PTGER3: variants seen among roughly 807,000 people sequenced by gnomAD.
PTGER3 encodes prostaglandin E receptor 3, also known as prostaglandin E2 receptor EP3 subtype.
In PTGER3, 22 loss-of-function variants were observed where a neutral mutation model predicts 34.7. The ratio of observed to expected loss-of-function variants is 0.63; its 90% CI spans 0.45 to 0.91. PTGER3 has a LOEUF of 0.91. PTGER3 is among the 40% of genes least tolerant of loss of function. PTGER3 has a pLI of 0.00. For missense variants in PTGER3, 468 were observed against 519.4 expected, an observed-to-expected ratio of 0.90 and a Z score of 0.96; for synonymous variants, 241 against 230.1, an observed-to-expected ratio of 1.05 and a Z score of -0.43.
chr1:70,896,987 T>C (rs1646734195), intron 4 of PTGER3, among the ~76,000 whole-genome samples: 1 of 152,148 alleles, frequency 6.6e-6, no homozygotes, highest in Non-Finnish European at 1.5e-5. Flanking sequence ...TTGTATAGGA[T>C]GTAAAAGTAA....
chr1:70,887,277 C>T (rs6667891), intron 4 of PTGER3, among the ~76,000 whole-genome samples: 6,419 of 152,134 alleles, frequency 0.042, 337 homozygotes, highest in East Asian at 0.22. Flanking sequence ...TTAGTAAATA[C>T]ATTCCTTCCT....
At chr1:70,930,110 CA>C (rs1328272345) in intron 4 of PTGER3, among the ~76,000 whole-genome samples, 1 of 152,108 alleles carries the variant, frequency 6.6e-6, no homozygotes, top group African/African-American at 2.4e-5. Flanking sequence ...TTCATGTTCC[CA>C]AAGTATTTCA....
intron 4 of PTGER3, among the ~76,000 whole-genome samples, chr1:70,880,037 A>G (rs1646356790): frequency 6.6e-6 from 1 of 152,050 alleles, no homozygotes; most frequent in Admixed American, 6.6e-5. Context: ...AGTTGAAGTG[A>G]GCCAAGATTG....
rs147550902 is a variant in PTGER3, at chr1:70,884,293, AATC to A, written c.*24-31437_*24-31435del. Among the ~76,000 whole-genome samples the A allele has an allele frequency of 1.5e-3, 227 of 152,320 alleles. 3 individuals are homozygous for A. In the East Asian group the frequency reaches 0.035, roughly 23 times the overall value. Reference sequence around the variant, plus strand: ...ACCCCCTGGTATACACATGCTGTATAATCATCTCCCCTTGAGTGTGAGCAGAAG... The same window carrying A: ...ACCCCCTGGTATACACATGCTGTATAATCTCCCCTTGAGTGTGAGCAGAAG... On this transcript the variant is annotated intron_variant, in intron 4 of 4. Transcript: ENST00000370931.
chr1:70,969,602 A>G (rs1652880085), downstream of PTGER3, among the ~76,000 whole-genome samples: 1 of 152,196 alleles, frequency 6.6e-6, no homozygotes, highest in Admixed American at 6.5e-5. Context: ...AGACAGAGGT[A>G]AGGAAAAAAC....
chr1:71,032,887 G>C (rs1158960825), intron 1 of PTGER3, among the ~76,000 whole-genome samples: 2 of 152,116 alleles, frequency 1.3e-5, no homozygotes, highest in African/African-American at 2.4e-5. Flanking sequence ...CGTTTAGAAA[G>C]AACAATGACA....
At chr1:70,853,962 C>A (rs918743384) in intron 4 of PTGER3, among the ~76,000 whole-genome samples, 1 of 152,022 alleles carries the variant, frequency 6.6e-6, no homozygotes, top group African/African-American at 2.4e-5. Context: ...ACACAATATA[C>A]AAAAATAAAC....
chr1:70,855,185 C>T (rs1022326971), intron 4 of PTGER3, among the ~76,000 whole-genome samples: 1 of 152,072 alleles, frequency 6.6e-6, no homozygotes, highest in African/African-American at 2.4e-5. Flanking sequence ...CATTGATGAA[C>T]CCTGAAGACA....
chr1:70,896,571 G>A (rs549680084), intron 4 of PTGER3, among the ~76,000 whole-genome samples: 15 of 152,300 alleles, frequency 9.8e-5, no homozygotes, highest in African/African-American at 3.6e-4. Context: ...CTCCCAGCTT[G>A]TGGTAAATTG....
chr1:70,913,946 T>C (rs1391323742), intron 4 of PTGER3, among the ~76,000 whole-genome samples: 10 of 151,926 alleles, frequency 6.6e-5, no homozygotes, highest in African/African-American at 2.4e-4. Flanking sequence ...TTGTAACGTC[T>C]TTTTTGAGTT....
intron 4 of PTGER3, chr1:70,884,221 C>T (rs1253352093): frequency 4.6e-6 from 1 of 218,606 alleles, no homozygotes; most frequent in Non-Finnish European, 9.3e-6. Context: ...TTATCTGTCT[C>T]AGTGCCCTCT....
intron 1 of PTGER3, among the ~76,000 whole-genome samples, chr1:71,040,622 A>C (rs920883908): frequency 6.6e-6 from 1 of 152,154 alleles, no homozygotes; most frequent in Non-Finnish European, 1.5e-5. Context: ...GAAAAAAAAA[A>C]GTATTCAGTC....
At chr1:70,952,573 T>C (rs1650866781) in exon 4 of PTGER3, 2 of 1,003,274 alleles carry the variant, frequency 2.0e-6, no homozygotes, top group South Asian at 4.5e-5. Context: ...AATGTTAAAA[T>C]ACTCTTGCAT....
chr1:70,990,436 A>G (rs969607542), intron 2 of PTGER3, among the ~76,000 whole-genome samples: 1 of 114,890 alleles, frequency 8.7e-6, no homozygotes, highest in African/African-American at 3.5e-5. Context: ...ATATGTATCA[A>G]TGTATAATAT....
At chr1:70,963,844 T>C (rs1652225838) in intron 2 of PTGER3, among the ~76,000 whole-genome samples, 1 of 152,150 alleles carries the variant, frequency 6.6e-6, no homozygotes, top group South Asian at 2.1e-4. Flanking sequence ...CCCCAGAAAA[T>C]GGGTTTTTCT....
At chr1:71,035,564 G>A (rs1336986225) in intron 1 of PTGER3, among the ~76,000 whole-genome samples, 2 of 152,156 alleles carry the variant, frequency 1.3e-5, no homozygotes, top group East Asian at 1.9e-4. Flanking sequence ...CTCAGTACTC[G>A]AGGGCTCTGA....
At chr1:70,866,432 A>C (rs1413341205) in intron 4 of PTGER3, among the ~76,000 whole-genome samples, 1 of 152,172 alleles carries the variant, frequency 6.6e-6, no homozygotes, top group East Asian at 1.9e-4. Context: ...TTTCACTACC[A>C]ACCCAGAGAT....
At chr1:70,926,395 C>T (rs140927719) in intron 4 of PTGER3, among the ~76,000 whole-genome samples, 1,693 of 152,268 alleles carry the variant, frequency 0.011, 18 homozygotes, top group South Asian at 0.031. Flanking sequence ...AGGTCCTTCA[C>T]GTCCCTTGTA....
In PTGER3 at chr1:71,003,206, T is replaced by C. The variant is rs114215882; in HGVS notation, c.1077+9099A>G. On this transcript the variant is annotated intron_variant, in intron 2 of 3. Coordinates refer to ENST00000306666, the MANE Select transcript of PTGER3 (RefSeq NM_198719.2). ...ATTTGTAAGACGGTCTGTGACTGCA[T>C]GCCTTGCTTTCTTATTCAAAGGTTC... Among the ~76,000 whole-genome samples, 657 of 152,368 alleles carry C rather than the reference T, an allele frequency of 4.3e-3. 6 individuals carry two copies. The highest frequency in any genetic ancestry group is 0.015 in the African/African-American group (633 of 41,584).
Sources: allele counts gnomAD v4.1 joint callset (sites outside exome capture counted in the v4.1 genomes callset), GRCh38; gene constraint gnomAD v4.1.1; transcripts MANE v1.5; gene names NCBI Gene and HGNC (gene_info 2026-07-23, HGNC 2026-07-21).